Variants in ADH6 observed in about 807,000 individuals in gnomAD.
ADH6 encodes the protein alcohol dehydrogenase 6 (class V).
A neutral mutation model predicts 36.5 loss-of-function variants in ADH6; 34 were observed. The observed-to-expected ratio is 0.93, with a 90% CI of 0.71 to 1.24. ADH6 has a LOEUF of 1.24. ADH6 is among the 50% of genes most tolerant of loss of function. ADH6 has a pLI of 0.00. For missense variants in ADH6, 440 were observed against 447.0 expected (o/e 0.98, Z 0.14); for synonymous variants, 161 against 155.5 (o/e 1.04, Z -0.26).
In ADH6 at chr4:99,210,140, A is replaced by G; in HGVS notation, c.509T>C (p.Val170Ala). 1 of 1,613,814 alleles carries G rather than the reference A, an allele frequency of 6.2e-7. No homozygotes were observed. The highest frequency in any genetic ancestry group is 8.5e-7 in the Non-Finnish European group (1 of 1,179,800). ...GGAAAAGCCACAGCTAATTAGGCATACTTTCTCTAGAGGAGCGACTGCATC... is the reference window on the plus strand; with the variant it reads ...GGAAAAGCCACAGCTAATTAGGCATGCTTTCTCTAGAGGAGCGACTGCATC... ...KIDAVAPLEK[V>A]CLISCGFSTG... Residue 170 changes from valine (V) to alanine (A), a missense_variant, in exon 5 of 9, where the codon GTA becomes GCA. Physicochemically the swap from Val to Ala is moderately conservative, Grantham distance 64. Coordinates refer to ENST00000394899, the MANE Select transcript of ADH6 (RefSeq NM_001102470.2).
At chr4:99,208,491 A>G in intron 6 of ADH6, 177 bp downstream of exon 6, 1 of 592,988 alleles carries the variant, frequency 1.7e-6, no homozygotes, top group Non-Finnish European at 2.8e-6. Context: ...TAGATTTAGT[A>G]TCTGGGATAG....
At chr4:99,206,607 TTA>T (rs1251144933) in intron 7 of ADH6, among the ~76,000 whole-genome samples, 1 of 151,980 alleles carries the variant, frequency 6.6e-6, no homozygotes, top group Non-Finnish European at 1.5e-5. Flanking sequence ...TATCTACTCT[TTA>T]TAAATGAATT....
chr4:99,205,778 G>T (rs1037931047), intron 7 of ADH6, among the ~76,000 whole-genome samples: 3 of 151,984 alleles, frequency 2.0e-5, no homozygotes, highest in Non-Finnish European at 4.4e-5. Flanking sequence ...AGAAAGGGTG[G>T]GTGTGGTGTA....
Position 99,210,063 on chromosome 4 carries a change from G to A in ADH6, c.567+19C>T. On this transcript the variant is annotated intron_variant, in intron 5 of 8. Coordinates refer to ENST00000394899, the MANE Select transcript of ADH6 (RefSeq NM_001102470.2). ...ATATCCCAATAATTCCCTTCCAAAT[G>A]GGTATAAATGCCCCTCACCTTGGCA... 2.5e-6 allele frequency: 4 copies of A among 1,608,348 alleles called. No individual in the cohort carries two copies. Among genetic ancestry groups the A allele is most frequent in the Non-Finnish European group, 3.4e-6 (4 of 1,175,626 alleles).
Position 99,213,653 on chromosome 4 carries a change from G to A in ADH6, c.215C>T (p.Ala72Val). Residue 72 changes from alanine (A) to valine (V), a missense_variant, in exon 3 of 9, where the codon GCT becomes GTT. Coordinates refer to ENST00000394899, the MANE Select transcript of ADH6 (RefSeq NM_001102470.2). The stretch of plus-strand genomic sequence containing the variant: ...TTCTCCAATACTCTCAACGATTCCA[G>A]CCCCTTCATGGCCCAAGATGGTGGG... ...LYPTILGHEGAGIVESIGEGV... is the reference protein window; with the variant it reads ...LYPTILGHEGVGIVESIGEGV... 6.2e-7 allele frequency: 1 copy of A among 1,613,658 alleles called. No individual in the cohort carries two copies. The highest frequency in any genetic ancestry group is 8.5e-7 in the Non-Finnish European group (1 of 1,179,846).
At chr4:99,216,923 G>A (rs1731453746) in intron 1 of ADH6, among the ~76,000 whole-genome samples, 1 of 152,030 alleles carries the variant, frequency 6.6e-6, no homozygotes. Context: ...ACCAAGTAAG[G>A]GTATTCAGGG....
At chr4:99,214,004 T>C (rs1731316496) in intron 2 of ADH6, among the ~76,000 whole-genome samples, 1 of 152,184 alleles carries the variant, frequency 6.6e-6, no homozygotes, top group Non-Finnish European at 1.5e-5. Flanking sequence ...GAAGAGAAGC[T>C]GTAAAATTGC....
chr4:99,216,338 A>C, intron 1 of ADH6, 76 bp from the exon 2 acceptor site: 5 of 832,242 alleles, frequency 6.0e-6, no homozygotes, highest in Non-Finnish European at 8.9e-6. Flanking sequence ...ATTAGTGATT[A>C]TAGAATCATT....
intron 1 of ADH6, among the ~76,000 whole-genome samples, chr4:99,218,641 A>C (rs1308128274): frequency 6.6e-6 from 1 of 152,136 alleles, no homozygotes. Context: ...AGCTTCTTGC[A>C]TGGGATATTT....
intron 2 of ADH6, 133 bp from the exon 3 acceptor site, chr4:99,213,880 A>T (rs1188274967): frequency 1.4e-6 from 1 of 726,276 alleles, no homozygotes; most frequent in Non-Finnish European, 2.0e-6. Context: ...ATCAGTTTTA[A>T]TTCTAGGGAA....
At chr4:99,207,275 C>G (rs187660464) in intron 7 of ADH6, among the ~76,000 whole-genome samples, 171 bp downstream of exon 7, 1 of 152,116 alleles carries the variant, frequency 6.6e-6, no homozygotes, top group Non-Finnish European at 1.5e-5. Context: ...CCAAGAGGCA[C>G]TAGATACACC....
rs752965848 is a variant in ADH6 at position 99,204,896 on chromosome 4, C to G, written c.1103+29G>C. 4.4e-6 allele frequency: 7 copies of G among 1,588,516 alleles called. 1 individual carries two copies. The highest frequency in any genetic ancestry group is 2.3e-5 in the South Asian group (2 of 85,760). On this transcript the variant is annotated intron_variant, in intron 8 of 8. Transcript: ENST00000394899. ...ACCCTTTCTCTTGGTCTCAAACACA[C>G]AGACATAAAATTTATGTGGGCAGTT...
At chr4:99,213,169 T>C (rs1255363191) in intron 3 of ADH6, among the ~76,000 whole-genome samples, 2 of 152,230 alleles carry the variant, frequency 1.3e-5, no homozygotes, top group African/African-American at 4.8e-5. Context: ...ATAATCTGTT[T>C]CTATTCTTAA....
chr4:99,204,951 T>G lies in ADH6; in HGVS notation c.1077A>C (p.Ala359=), dbSNP rs113482793. ...HTLNLDKINE[A]VELMKTGKCI... ...ATTTTCCAGTTTTCATTAATTCAAC[T>G]GCTTCATTGATTTTATCAAGATTCA... The change falls in exon 8 of 9, where the codon GCA becomes GCC. Residue 359 remains alanine (A), a synonymous_variant. Transcript: ENST00000394899. 1 of 1,609,150 alleles carries G rather than the reference T, an allele frequency of 6.2e-7. No individual in the cohort carries two copies. The highest frequency in any genetic ancestry group is 8.5e-7 in the Non-Finnish European group (1 of 1,178,160).
intron 2 of ADH6, among the ~76,000 whole-genome samples, chr4:99,214,580 G>T (rs981472239): frequency 6.6e-5 from 10 of 152,128 alleles, no homozygotes; most frequent in Admixed American, 1.3e-4. Flanking sequence ...CCAGAACAGT[G>T]GTTAAGTGTT....
chr4:99,206,913 A>T (rs1467224107), intron 7 of ADH6, among the ~76,000 whole-genome samples: 1 of 152,132 alleles, frequency 6.6e-6, no homozygotes, highest in Non-Finnish European at 1.5e-5. Context: ...AAAACAGAAA[A>T]TCAAAGGATT....
chr4:99,205,193 A>G (rs2110541166), intron 7 of ADH6, 130 bp from the exon 8 acceptor site: 2 of 982,856 alleles, frequency 2.0e-6, no homozygotes, highest in Non-Finnish European at 2.9e-6. Context: ...ACTTGCCTCA[A>G]TCATCAGGAG....
chr4:99,204,314 T>G, intron 8 of ADH6, 71 bp from the exon 9 acceptor site: 2 of 1,580,704 alleles, frequency 1.3e-6, no homozygotes, highest in Non-Finnish European at 1.7e-6. Flanking sequence ...GATTTCAAAT[T>G]CTCACTTTGT....
At chr4:99,212,866 T>G (rs1203048003) in intron 3 of ADH6, among the ~76,000 whole-genome samples, 3 of 151,944 alleles carry the variant, frequency 2.0e-5, no homozygotes, top group Non-Finnish European at 2.9e-5. Flanking sequence ...TTTTGACTTT[T>G]GGGGTTTTTT....
Sources: allele counts gnomAD v4.1 joint callset (sites outside exome capture counted in the v4.1 genomes callset), GRCh38; gene constraint gnomAD v4.1.1; transcripts MANE v1.5; gene names NCBI Gene and HGNC (gene_info 2026-07-23, HGNC 2026-07-21).